The following ARL4D variants were observed in gnomAD, a reference collection of about 807,000 sequenced individuals.
The protein encoded by ARL4D is ARF like GTPase 4D.
ARL4D carries 1 observed loss-of-function variant against 0.6 expected under a neutral mutation model. The observed-to-expected ratio is 1.64, with a 90% confidence interval of 0.58 to 7.76. The LOEUF is 7.76. Ranked by LOEUF, ARL4D falls within the 30% of genes most tolerant of loss-of-function variation. The pLI, the probability that ARL4D is intolerant of heterozygous loss-of-function variation, is 0.14. For missense variants in ARL4D, 230 were observed against 264.5 expected, an observed-to-expected ratio of 0.87 and a Z score of 0.90; for synonymous variants, 102 against 115.2, an observed-to-expected ratio of 0.89 and a Z score of 0.73.
chr17:43,399,852 C>T lies in ARL4D; in HGVS notation c.120C>T (p.Arg40=). ...CTGGAAAGACCTCCCTCCTTTACCG[C>T]CTCAAGTTCAAGGAGTTTGTCCAGA... is the stretch of plus-strand genomic sequence containing the variant. ...DSAGKTSLLY[R]LKFKEFVQSV... is the part of the protein sequence containing the mutation. Residue 40 remains arginine (R), a synonymous_variant, in exon 2 of 2, where the codon CGC becomes CGT. Coordinates refer to ENST00000320033, the MANE Select transcript of ARL4D (RefSeq NM_001661.4). The T allele has an allele frequency of 6.2e-7, 1 of 1,614,090 alleles. No individual in the cohort carries two copies. Among genetic ancestry groups the T allele is most frequent in the Non-Finnish European group, 8.5e-7 (1 of 1,180,014 alleles).
rs150448633 is a variant in ARL4D at position 43,399,767 on chromosome 17, C to G, written c.35C>G (p.Ala12Gly). 19 of 1,613,682 alleles carry G rather than the reference C, an allele frequency of 1.2e-5. No homozygotes were observed. The highest frequency in any genetic ancestry group is 1.6e-5 in the Non-Finnish European group (19 of 1,179,810). ...GNHLTEMAPT[A>G]SSFLPHFQAL... ...CACTTGACTGAGATGGCGCCCACTG[C>G]CTCCTCCTTCTTGCCCCACTTCCAA... Residue 12 changes from alanine to glycine, a missense_variant, in exon 2 of 2, where the codon GCC becomes GGC. Around this residue, in one of 3 missense-constraint regions of ARL4D, gnomAD observed 91 missense variants for 100.4 expected, o/e 0.91. Coordinates refer to ENST00000320033, the MANE Select transcript of ARL4D (RefSeq NM_001661.4).
chr17:43,400,190 C>T lies in ARL4D; in HGVS notation c.458C>T (p.Ala153Val). The T allele has an allele frequency of 1.9e-6, 3 of 1,596,204 alleles. No homozygotes were observed. Among genetic ancestry groups the T allele is most frequent in the Non-Finnish European group, 8.5e-7 (1 of 1,173,106 alleles). The change falls in exon 2 of 2, where the codon GCA becomes GTA. Residue 153 changes from alanine (A) to valine (V), a missense_variant. Physicochemically the swap from Ala to Val is moderately conservative, Grantham distance 64. Coordinates refer to ENST00000320033, the MANE Select transcript of ARL4D (RefSeq NM_001661.4). ...LSAAEVEKRL[A>V]VRELAAATLT... ...GCTGCTGAGGTGGAGAAGAGGCTGG[C>T]AGTCCGAGAGCTAGCAGCCGCCACT...
Position 43,400,472 on chromosome 17 carries a change from T to C in ARL4D, c.*134T>C. ...CACCTCAATGAAGGAGAGAGGAGCA[T>C]GGGGTGTCCCGTTTTGGTGCCACAC... On this transcript the variant is annotated 3_prime_UTR_variant, in exon 2 of 2. Coordinates refer to ENST00000320033, the MANE Select transcript of ARL4D (RefSeq NM_001661.4). 3 of 1,235,686 alleles carry C rather than the reference T, an allele frequency of 2.4e-6. No individual in the cohort carries two copies. Among genetic ancestry groups the C allele is most frequent in the Non-Finnish European group, 3.3e-6 (3 of 898,840 alleles). The allele number at this position is 1,235,686 out of a possible 1,614,324, so 76.5% of individuals were successfully genotyped here. A position where few individuals can be genotyped will look rare whatever the true frequency, so the allele number is the denominator to read the frequency against.
In ARL4D at chr17:43,399,690, A is replaced by C. The variant is rs376575358; in HGVS notation, c.-43A>C. 5.0e-5 allele frequency: 78 copies of C among 1,570,982 alleles called. No individual in the cohort carries two copies. The South Asian group carries it at 8.4e-4, about 17-fold the overall frequency. ...CCCAGCTGTGCTCCCTGGAACCTTC[A>C]ATTTCAAGGCCTCCCTGCCTCTACT... On this transcript the variant is annotated 5_prime_UTR_variant, in exon 2 of 2. Transcript: ENST00000320033.
chr17:43,399,749 C>T lies in ARL4D; in HGVS notation c.17C>T (p.Thr6Ile). 6.2e-7 allele frequency: 1 copy of T among 1,613,044 alleles called. No individual in the cohort carries two copies. Among genetic ancestry groups the T allele is most frequent in the Non-Finnish European group, 8.5e-7 (1 of 1,179,238 alleles). ...TAGCTCACTATGGGGAACCACTTGA[C>T]TGAGATGGCGCCCACTGCCTCCTCC... MGNHLTEMAPTASSFL... is the reference protein window; with the variant it reads MGNHLIEMAPTASSFL... Residue 6 changes from threonine (T) to isoleucine (I), a missense_variant, in exon 2 of 2, where the codon ACT becomes ATT. Physicochemically the swap from Thr to Ile is moderately conservative, Grantham distance 89 (BLOSUM62 -1). Around this residue, in one of 3 missense-constraint regions of ARL4D, gnomAD observed 91 missense variants for 100.4 expected, o/e 0.91. Transcript: ENST00000320033.
rs2058080380 is a variant in ARL4D, at chr17:43,399,810, C to T, written c.78C>T (p.Val26=). The T allele has an allele frequency of 1.2e-5, 20 of 1,614,054 alleles. No individual in the cohort carries two copies. The highest frequency in any genetic ancestry group is 1.7e-5 in the Non-Finnish European group (20 of 1,180,018). The change falls in exon 2 of 2, where the codon GTC becomes GTT. Residue 26 remains valine (V), a synonymous_variant. Coordinates refer to ENST00000320033, the MANE Select transcript of ARL4D (RefSeq NM_001661.4). ...ACTTCCAAGCCCTGCATGTCGTGGT[C>T]ATTGGGCTGGACTCTGCTGGAAAGA... ...LPHFQALHVV[V]IGLDSAGKTS... is the part of the protein sequence containing the mutation.
Position 43,399,874 on chromosome 17 carries a change from CAG to C in ARL4D, c.145_146del (p.Ser49CysfsTer58). 1 of 1,614,100 alleles carries C rather than the reference CAG, an allele frequency of 6.2e-7. No homozygotes were observed. The highest frequency in any genetic ancestry group is 8.5e-7 in the Non-Finnish European group (1 of 1,180,004). ...LYRLKFKEFV[Q>X]SVPTKGFNTE... ...CCGCCTCAAGTTCAAGGAGTTTGTC[CAG>C]AGTGTCCCCACCAAAGGCTTCAACA... On this transcript the variant is annotated frameshift_variant, in exon 2 of 2. Transcript: ENST00000320033. LOFTEE classifies it low-confidence loss of function (END_TRUNC).
chr17:43,399,701 C>T lies in ARL4D; in HGVS notation c.-32C>T. On this transcript the variant is annotated 5_prime_UTR_variant, in exon 2 of 2. Coordinates refer to ENST00000320033, the MANE Select transcript of ARL4D (RefSeq NM_001661.4). ...TCCCTGGAACCTTCAATTTCAAGGC[C>T]TCCCTGCCTCTACTAGGCGCCTTAG... is the stretch of plus-strand genomic sequence containing the variant. 1 of 1,585,090 alleles carries T rather than the reference C, an allele frequency of 6.3e-7. No homozygotes were observed. The highest frequency in any genetic ancestry group is 8.6e-7 in the Non-Finnish European group (1 of 1,163,082).
chr17:43,399,719 C>G lies in ARL4D; in HGVS notation c.-14C>G, dbSNP rs2058079716. 1.2e-6 allele frequency: 2 copies of G among 1,601,974 alleles called. No individual in the cohort carries two copies. Among genetic ancestry groups the G allele is most frequent in the Non-Finnish European group, 1.7e-6 (2 of 1,171,940 alleles). On this transcript the variant is annotated 5_prime_UTR_variant, in exon 2 of 2. Transcript: ENST00000320033. ...TCAAGGCCTCCCTGCCTCTACTAGG[C>G]GCCTTAGCTCACTATGGGGAACCAC...
At position 43,399,926 on chromosome 17, in the gene ARL4D, G is replaced by A; in HGVS notation, c.194G>A (p.Gly65Glu). Residue 65 changes from glycine to glutamate, a missense_variant, in exon 2 of 2, where the codon GGG (glycine) becomes GAG (glutamate). Physicochemically the swap from Gly to Glu is moderately conservative, Grantham distance 98. Around this residue, in one of 3 missense-constraint regions of ARL4D, gnomAD observed 91 missense variants for 100.4 expected, o/e 0.91. Transcript: ENST00000320033. ...ACCGAGAAGATCCGGGTGCCCCTCGGGGGATCGCGTGGCATCACCTTCCAA... is the reference window on the plus strand; with the variant it reads ...ACCGAGAAGATCCGGGTGCCCCTCGAGGGATCGCGTGGCATCACCTTCCAA... ...FNTEKIRVPL[G>E]GSRGITFQVW... 4 of 1,614,040 alleles carry A rather than the reference G, an allele frequency of 2.5e-6. No homozygotes were observed. Among genetic ancestry groups the A allele is most frequent in the Non-Finnish European group, 3.4e-6 (4 of 1,180,004 alleles).
Position 43,400,227 on chromosome 17 carries a change from G to A in ARL4D, c.495G>A (p.Val165=). The A allele has an allele frequency of 6.2e-7, 1 of 1,604,086 alleles. No homozygotes were observed. Among genetic ancestry groups the A allele is most frequent in the Non-Finnish European group, 8.5e-7 (1 of 1,176,420 alleles). The change falls in exon 2 of 2, where the codon GTG becomes GTA. Residue 165 remains valine, a synonymous_variant. Coordinates refer to ENST00000320033, the MANE Select transcript of ARL4D (RefSeq NM_001661.4). ...TAGCAGCCGCCACTCTCACTCATGTGCAAGGCTGCAGCGCTGTGGACGGTC... is the reference window on the plus strand; with the variant it reads ...TAGCAGCCGCCACTCTCACTCATGTACAAGGCTGCAGCGCTGTGGACGGTC... The part of the protein sequence containing the change: ...RELAAATLTH[V]QGCSAVDGLG...
Position 43,400,348 on chromosome 17 carries a change from C to A in ARL4D, c.*10C>A. Reference sequence around the variant, plus strand: ...CAAGAAGAGACGGTGACCCAAGCCCCCCCTCCCTTTCCTCCCACCTAGTAG... The same window carrying A: ...CAAGAAGAGACGGTGACCCAAGCCCACCCTCCCTTTCCTCCCACCTAGTAG... On this transcript the variant is annotated 3_prime_UTR_variant, in exon 2 of 2. Transcript: ENST00000320033. 6.4e-7 allele frequency: 1 copy of A among 1,561,478 alleles called. No individual in the cohort carries two copies.
Position 43,399,653 on chromosome 17 carries a change from T to G in ARL4D, c.-72-8T>G. On this transcript the variant is annotated splice_polypyrimidine_tract_variant and splice_region_variant and intron_variant, in intron 1 of 1. Transcript: ENST00000320033. ...TCCTTTTTCTCCCATGACCTTTTCT[T>G]GGTTCAGATAACCCAGCTGTGCTCC... is the stretch of plus-strand genomic sequence containing the variant. The G allele has an allele frequency of 6.7e-7, 1 of 1,500,166 alleles. No individual in the cohort carries two copies. The highest frequency in any genetic ancestry group is 8.9e-7 in the Non-Finnish European group (1 of 1,119,896). 92.9% of individuals were successfully genotyped at this position (1,500,166 alleles called of 1,614,324 possible).
Position 43,400,535 on chromosome 17 carries a change from T to G in ARL4D, c.*197T>G, listed in dbSNP as rs2058084152. On this transcript the variant is annotated 3_prime_UTR_variant, in exon 2 of 2. Coordinates refer to ENST00000320033, the MANE Select transcript of ARL4D (RefSeq NM_001661.4). ...GGGAGATGGGATGTCTTTGCATATC[T>G]CTCTCATCCTCTCTGGAGAAGTGGG... 2 of 648,710 alleles carry G rather than the reference T, an allele frequency of 3.1e-6. No homozygotes were observed. The highest frequency in any genetic ancestry group is 5.3e-6 in the Non-Finnish European group (2 of 378,998). The allele number at this position is 648,710 out of a possible 1,614,324, so 40.2% of individuals were successfully genotyped here. A position where few individuals can be genotyped will look rare whatever the true frequency, so the allele number is the denominator to read the frequency against.
In ARL4D at chr17:43,399,654, GGTTCAGATAACCCAGCTGT is replaced by G. The variant is rs1169401534; in HGVS notation, c.-72-5_-59del. ...CCTTTTTCTCCCATGACCTTTTCTT[GGTTCAGATAACCCAGCTGT>G]GCTCCCTGGAACCTTCAATTTCAAG... On this transcript the variant is annotated splice_acceptor_variant and splice_polypyrimidine_tract_variant and 5_prime_UTR_variant and intron_variant, in exon 2 of 2. Transcript: ENST00000320033. LOFTEE classifies it low-confidence loss of function (5UTR_SPLICE). 6.7e-7 allele frequency: 1 copy of G among 1,500,056 alleles called. No individual in the cohort carries two copies. Among genetic ancestry groups the G allele is most frequent in the African/African-American group, 1.4e-5 (1 of 71,110 alleles). 92.9% of individuals were successfully genotyped at this position (1,500,056 alleles called of 1,614,324 possible).
In ARL4D at chr17:43,400,200, G is replaced by A. The variant is rs139507398; in HGVS notation, c.468G>A (p.Glu156=). The A allele has an allele frequency of 2.0e-4, 322 of 1,594,790 alleles. No individual in the cohort carries two copies. The African/African-American group carries it at 3.8e-3, about 19-fold the overall frequency. ...TGGAGAAGAGGCTGGCAGTCCGAGAGCTAGCAGCCGCCACTCTCACTCATG... is the reference window on the plus strand; with the variant it reads ...TGGAGAAGAGGCTGGCAGTCCGAGAACTAGCAGCCGCCACTCTCACTCATG... ...AEVEKRLAVR[E]LAAATLTHVQ... is the part of the protein sequence containing the mutation. The change falls in exon 2 of 2, where the codon GAG becomes GAA. Residue 156 remains glutamate, a synonymous_variant. Transcript: ENST00000320033.
At position 43,399,849 on chromosome 17, in the gene ARL4D, C is replaced by T; in HGVS notation, c.117C>T (p.Tyr39=). ...LDSAGKTSLL[Y]RLKFKEFVQS... ...CTGCTGGAAAGACCTCCCTCCTTTA[C>T]CGCCTCAAGTTCAAGGAGTTTGTCC... The change falls in exon 2 of 2, where the codon TAC becomes TAT. Residue 39 remains tyrosine (Y), a synonymous_variant. Transcript: ENST00000320033. 6.2e-7 allele frequency: 1 copy of T among 1,614,070 alleles called. No homozygotes were observed. Among genetic ancestry groups the T allele is most frequent in the Non-Finnish European group, 8.5e-7 (1 of 1,180,008 alleles).
chr17:43,399,804 C>T lies in ARL4D; in HGVS notation c.72C>T (p.Val24=), dbSNP rs769634491. ...TGCCCCACTTCCAAGCCCTGCATGT[C>T]GTGGTCATTGGGCTGGACTCTGCTG... The part of the protein sequence containing the change: ...SFLPHFQALH[V]VVIGLDSAGK... Residue 24 remains valine (V), a synonymous_variant, in exon 2 of 2, where the codon GTC becomes GTT. Coordinates refer to ENST00000320033, the MANE Select transcript of ARL4D (RefSeq NM_001661.4). The T allele has an allele frequency of 9.9e-6, 16 of 1,613,894 alleles. No individual in the cohort carries two copies. The African/African-American group carries it at 1.5e-4, about 15-fold the overall frequency.
At position 43,399,840 on chromosome 17, in the gene ARL4D, C is replaced by A. The variant is rs2058080532; in HGVS notation, c.108C>A (p.Ser36=). Residue 36 remains serine, a synonymous_variant, in exon 2 of 2, where the codon TCC becomes TCA. Coordinates refer to ENST00000320033, the MANE Select transcript of ARL4D (RefSeq NM_001661.4). ...GGCTGGACTCTGCTGGAAAGACCTC[C>A]CTCCTTTACCGCCTCAAGTTCAAGG... The part of the protein sequence containing the change: ...VIGLDSAGKT[S]LLYRLKFKEF... The A allele has an allele frequency of 1.2e-6, 2 of 1,613,992 alleles. No individual in the cohort carries two copies. The highest frequency in any genetic ancestry group is 1.7e-6 in the Non-Finnish European group (2 of 1,180,024).
Sources: allele counts gnomAD v4.1 joint callset, GRCh38; gene constraint gnomAD v4.1.1; regional missense constraint gnomAD v4.1.1; transcripts MANE v1.5; gene names NCBI Gene and HGNC (gene_info 2026-07-23, HGNC 2026-07-21).